SMG7: variants seen among roughly 807,000 people sequenced by gnomAD.
SMG7 encodes nonsense-mediated mRNA decay factor SMG7.
In SMG7, 34 loss-of-function variants were observed where a neutral mutation model predicts 148.2. The observed-to-expected ratio is 0.23, with a 90% CI of 0.17 to 0.31. The LOEUF is 0.31. Among genes scored for constraint, SMG7 ranks in the 10% least tolerant of loss-of-function variants. SMG7 has a pLI of 1.00. For missense variants in SMG7, 1,114 were observed against 1,408.4 expected (o/e 0.79, Z 3.35); for synonymous variants, 492 against 515.1 (o/e 0.96, Z 0.61).
intron 8 of SMG7, among the ~76,000 whole-genome samples, chr1:183,532,028 AGT>A (rs887934126): frequency 6.6e-6 from 1 of 152,192 alleles, no homozygotes; most frequent in African/African-American, 2.4e-5. Context: ...GAAGACTGAC[AGT>A]GTGATAGAAA....
chr1:183,540,648 C>A (rs1668655774), intron 12 of SMG7, among the ~76,000 whole-genome samples: 1 of 152,032 alleles, frequency 6.6e-6, no homozygotes, highest in Admixed American at 6.5e-5. Context: ...ACTTGGCATG[C>A]AAGATAAATG....
chr1:183,526,598 A>G lies in SMG7; in HGVS notation c.315A>G (p.Leu105=), dbSNP rs761825268. 6.3e-7 allele frequency: 1 copy of G among 1,590,898 alleles called. No homozygotes were observed. Among genetic ancestry groups the G allele is most frequent in the East Asian group, 2.3e-5 (1 of 44,298 alleles). The change falls in exon 5 of 23, where the codon TTA becomes TTG. Residue 105 remains leucine (L), a splice_region_variant and synonymous_variant. Coordinates refer to ENST00000688051, the MANE Select transcript of SMG7 (RefSeq NM_001375584.1). ...LEAASGFYTQ[L]LQELCTVFNV... ...AATTTTGTTTGTTTTTCTTTTAGTT[A>G]TTACAAGAACTGTGTACAGTATTTA...
chr1:183,545,842 TG>T, intron 16 of SMG7, 123 bp from the exon 17 acceptor site: 2 of 1,122,424 alleles, frequency 1.8e-6, no homozygotes, highest in Non-Finnish European at 2.5e-6. Flanking sequence ...TAAAGGAAAC[TG>T]CTGCCTTGCC....
intron 4 of SMG7, among the ~76,000 whole-genome samples, chr1:183,520,017 T>C (rs1035953104): frequency 6.6e-6 from 1 of 151,714 alleles, no homozygotes; most frequent in African/African-American, 2.4e-5. Context: ...AGTACAGAAG[T>C]TACCAGGATT....
intron 1 of SMG7, among the ~76,000 whole-genome samples, chr1:183,482,482 G>A (rs757565365): frequency 1.3e-5 from 2 of 151,942 alleles, no homozygotes; most frequent in East Asian, 1.9e-4. Flanking sequence ...AAATGATTAC[G>A]TGGGAAATGA....
At chr1:183,538,823 AATGAATTTAC>A (rs1260829971) in intron 12 of SMG7, among the ~76,000 whole-genome samples, 5 of 152,080 alleles carry the variant, frequency 3.3e-5, no homozygotes, top group Non-Finnish European at 7.4e-5. Context: ...AAAAAGGTAA[AATGAATTTAC>A]ATCCCTCTAT....
chr1:183,525,404 G>T (rs981204233), intron 4 of SMG7, among the ~76,000 whole-genome samples: 3 of 152,162 alleles, frequency 2.0e-5, no homozygotes, highest in Admixed American at 1.3e-4. Context: ...AGGGAGAGGG[G>T]TTGTGTGGAA....
intron 1 of SMG7, among the ~76,000 whole-genome samples, chr1:183,488,735 G>T (rs1292927156): frequency 1.4e-5 from 2 of 140,060 alleles, no homozygotes; most frequent in Non-Finnish European, 3.0e-5. Context: ...GCCCAGGCTG[G>T]AGTGCAGTGG....
At chr1:183,544,838 C>T in intron 15 of SMG7, 92 bp from the exon 16 acceptor site, 1 of 1,273,768 alleles carries the variant, frequency 7.9e-7, no homozygotes, top group South Asian at 1.4e-5. Context: ...TGTTAGAAGA[C>T]TCCCTCTACC....
intron 1 of SMG7, among the ~76,000 whole-genome samples, chr1:183,479,966 A>T (rs1557941132): frequency 6.6e-6 from 1 of 152,182 alleles, no homozygotes; most frequent in Non-Finnish European, 1.5e-5. Flanking sequence ...CACTCACTTA[A>T]TACATTGCAT....
chr1:183,496,471 A>G (rs1395125203), intron 1 of SMG7, among the ~76,000 whole-genome samples: 1 of 152,196 alleles, frequency 6.6e-6, no homozygotes, highest in Non-Finnish European at 1.5e-5. Context: ...ACTATTGTCT[A>G]AATTCAATTT....
intron 3 of SMG7, among the ~76,000 whole-genome samples, chr1:183,517,070 C>T (rs1169038668): frequency 6.6e-6 from 1 of 152,152 alleles, no homozygotes; most frequent in Non-Finnish European, 1.5e-5. Flanking sequence ...CCATATATAA[C>T]TAGATTAAAG....
intron 14 of SMG7, among the ~76,000 whole-genome samples, chr1:183,543,467 G>C (rs958099284): frequency 2.6e-5 from 4 of 151,546 alleles, no homozygotes; most frequent in African/African-American, 7.3e-5. Flanking sequence ...GGGAGAGAGA[G>C]AGATGCTAGG....
rs560360306 is a variant in SMG7 at position 183,491,217 on chromosome 1, G to C, written c.29+18568G>C. Among the ~76,000 whole-genome samples, 91 of 152,256 alleles carry C rather than the reference G, an allele frequency of 6.0e-4. No homozygotes were observed. The South Asian group carries it at 0.018, about 31-fold the overall frequency. ...GGGATGATGTAATGCATTATTTTGTGCCTGTATTCTGTTGGCATAAAACAT... is the reference window on the plus strand; with the variant it reads ...GGGATGATGTAATGCATTATTTTGTCCCTGTATTCTGTTGGCATAAAACAT... On this transcript the variant is annotated intron_variant, in intron 1 of 22. Coordinates refer to ENST00000688051, the MANE Select transcript of SMG7 (RefSeq NM_001375584.1).
intron 1 of SMG7, chr1:183,502,291 T>G: frequency 6.5e-7 from 1 of 1,534,348 alleles, no homozygotes; most frequent in Admixed American, 2.0e-5. Flanking sequence ...AAATTGGATG[T>G]TCTTGCAGAT....
chr1:183,547,361 CAGAACTGT>C, intron 18 of SMG7, 109 bp downstream of exon 18: 1 of 1,046,940 alleles, frequency 9.6e-7, no homozygotes, highest in Non-Finnish European at 1.3e-6. Context: ...CTGTCCTTTT[CAGAACTGT>C]AAAACATATT....
chr1:183,474,079 G>A (rs1229194787), intron 1 of SMG7, among the ~76,000 whole-genome samples: 1 of 152,076 alleles, frequency 6.6e-6, no homozygotes, highest in Non-Finnish European at 1.5e-5. Flanking sequence ...TGTAATTTGA[G>A]GTCCTTTTTT....
At position 183,549,822 on chromosome 1, in the gene SMG7, G is replaced by T. The variant is rs1232949792; in HGVS notation, c.3032G>T (p.Ser1011Ile). ...NEVYGKNLTS[S>I]SKAELSPSMA... is the part of the protein sequence containing the mutation. ...GTATATGGGAAAAACCTGACATCCA[G>T]CTCCAAAGCAGAACTCAGTCCCTCA... Residue 1011 changes from serine to isoleucine, a missense_variant, in exon 20 of 23, where the codon AGC (serine) becomes ATC (isoleucine). Around this residue, in one of 4 missense-constraint regions of SMG7, gnomAD observed 788 missense variants for 894.5 expected, o/e 0.88. Transcript: ENST00000688051. The T allele has an allele frequency of 1.2e-6, 2 of 1,613,602 alleles. No individual in the cohort carries two copies. Among genetic ancestry groups the T allele is most frequent in the African/African-American group, 2.7e-5 (2 of 74,868 alleles).
chr1:183,507,877 TTTTC>T (rs1661275708), intron 1 of SMG7, among the ~76,000 whole-genome samples: 1 of 152,204 alleles, frequency 6.6e-6, no homozygotes, highest in Non-Finnish European at 1.5e-5. Context: ...TTTAATGACT[TTTTC>T]TTTTTTTATT....
Sources: allele counts gnomAD v4.1 joint callset (sites outside exome capture counted in the v4.1 genomes callset), GRCh38; gene constraint gnomAD v4.1.1; regional missense constraint gnomAD v4.1.1; transcripts MANE v1.5; gene names NCBI Gene and HGNC (gene_info 2026-07-23, HGNC 2026-07-21).